The following RGS17 variants were observed in gnomAD, a reference collection of about 807,000 sequenced individuals.
The protein encoded by RGS17 is regulator of G protein signaling 17.
Under a neutral mutation model 25.5 loss-of-function variants are expected in RGS17, and 12 were observed. The observed-to-expected ratio is 0.47, with a 90% CI of 0.30 to 0.76. RGS17 has a LOEUF of 0.76. RGS17 is among the 30% of genes least tolerant of loss of function. RGS17 has a pLI of 0.07. For missense variants in RGS17, 196 were observed against 242.2 expected (o/e 0.81, Z 1.27); for synonymous variants, 71 against 76.9 (o/e 0.92, Z 0.40).
chr6:153,122,265 A>G (rs1168957085), intron 1 of RGS17, among the ~76,000 whole-genome samples: 1 of 152,166 alleles, frequency 6.6e-6, no homozygotes, highest in African/African-American at 2.4e-5. Context: ...ACATACATAT[A>G]TGCATACATT....
chr6:153,094,539 A>T (rs1453890763), intron 1 of RGS17, among the ~76,000 whole-genome samples: 1 of 152,212 alleles, frequency 6.6e-6, no homozygotes, highest in Non-Finnish European at 1.5e-5. Flanking sequence ...TTTGAAAATC[A>T]AATAAGAAAA....
intron 1 of RGS17, among the ~76,000 whole-genome samples, chr6:153,105,216 G>A (rs529202812): frequency 1.3e-5 from 2 of 152,206 alleles, no homozygotes; most frequent in Admixed American, 6.6e-5. Flanking sequence ...TCCCAAATAC[G>A]TCTACTTCAT....
intron 1 of RGS17, among the ~76,000 whole-genome samples, chr6:153,096,663 A>G (rs1366880812): frequency 2.0e-5 from 3 of 152,198 alleles, no homozygotes; most frequent in African/African-American, 7.2e-5. Context: ...TAAAATGTAA[A>G]ATGTATGTAA....
chr6:153,032,587 AAAG>A (rs1776166693), intron 2 of RGS17, among the ~76,000 whole-genome samples: 1 of 152,068 alleles, frequency 6.6e-6, no homozygotes, highest in Non-Finnish European at 1.5e-5. Context: ...AAAAAAAAAA[AAAG>A]TCTATTCATT....
intron 1 of RGS17, among the ~76,000 whole-genome samples, chr6:153,048,298 A>G (rs1776411182): frequency 6.6e-6 from 1 of 152,122 alleles, no homozygotes; most frequent in African/African-American, 2.4e-5. Flanking sequence ...TGATTCCTCT[A>G]TTTCATCTGG....
At chr6:153,126,935 T>C (rs1457233601) in intron 1 of RGS17, among the ~76,000 whole-genome samples, 1 of 152,200 alleles carries the variant, frequency 6.6e-6, no homozygotes, top group Admixed American at 6.5e-5. Context: ...TTTAGAAATA[T>C]GAAGTTCTAA....
Position 153,026,465 on chromosome 6 carries a change from G to A in RGS17, c.198C>T (p.Val66=). 6.2e-7 allele frequency: 1 copy of A among 1,611,540 alleles called. No homozygotes were observed. Among genetic ancestry groups the A allele is most frequent in the South Asian group, 1.1e-5 (1 of 90,846 alleles). The change falls in exon 3 of 5, where the codon GTC becomes GTT. Residue 66 remains valine, a synonymous_variant. Transcript: ENST00000206262. ...GTTCTCACACTCACCATTCCTCTAGGACCTGGATACTCTCCATTTTTGTAG... is the reference window on the plus strand; with the variant it reads ...GTTCTCACACTCACCATTCCTCTAGAACCTGGATACTCTCCATTTTTGTAG... The part of the protein sequence containing the change: ...THTTKMESIQ[V]LEECQNPTAE...
chr6:153,010,097 C>T lies in RGS17; in HGVS notation c.*1477G>A, dbSNP rs1435595317. On this transcript the variant is annotated 3_prime_UTR_variant, in exon 5 of 5. Coordinates refer to ENST00000206262, the MANE Select transcript of RGS17 (RefSeq NM_012419.5). ...TGTAATATCATCCTTAATATAAGGC[C>T]AGTGTTCTCAGTGGATATAAATCTT... is the stretch of plus-strand genomic sequence containing the variant. The T allele has an allele frequency of 2.6e-5, 4 of 151,242 alleles. No homozygotes were observed. In the East Asian group the frequency reaches 7.8e-4, roughly 29 times the overall value. The allele number at this position is 151,242 out of a possible 1,614,324, so 9.4% of individuals were successfully genotyped here.
intron 1 of RGS17, among the ~76,000 whole-genome samples, chr6:153,084,325 C>G (rs1445617832): frequency 6.6e-6 from 1 of 152,164 alleles, no homozygotes; most frequent in Non-Finnish European, 1.5e-5. Flanking sequence ...CATAAAATCC[C>G]TTAACAAATT....
intron 1 of RGS17, among the ~76,000 whole-genome samples, chr6:153,079,803 A>G (rs1776945258): frequency 6.6e-6 from 1 of 152,104 alleles, no homozygotes; most frequent in South Asian, 2.1e-4. Context: ...TGATGGTCTC[A>G]TTAAATGAAT....
At chr6:153,081,995 T>A (rs764703091) in intron 1 of RGS17, among the ~76,000 whole-genome samples, 14 of 152,152 alleles carry the variant, frequency 9.2e-5, no homozygotes, top group Non-Finnish European at 8.8e-5. Flanking sequence ...TCTTGAACGA[T>A]AGATTGGGGA....
At chr6:153,030,438 C>T (rs995178740) in intron 2 of RGS17, among the ~76,000 whole-genome samples, 1 of 152,146 alleles carries the variant, frequency 6.6e-6, no homozygotes, top group South Asian at 2.1e-4. Context: ...CAGGAAAGCA[C>T]ATATATTTAC....
chr6:153,078,284 T>C (rs1004977861), intron 1 of RGS17, among the ~76,000 whole-genome samples: 4 of 152,184 alleles, frequency 2.6e-5, no homozygotes, highest in Admixed American at 2.6e-4. Context: ...CTGTATACAT[T>C]TATAGAATCA....
intron 2 of RGS17, among the ~76,000 whole-genome samples, chr6:153,026,910 A>G (rs1429527187): frequency 6.6e-6 from 1 of 152,100 alleles, no homozygotes; most frequent in Non-Finnish European, 1.5e-5. Context: ...CTTTAAACAA[A>G]ATGTCATTTT....
At chr6:153,046,043 A>G (rs1776380471) in intron 1 of RGS17, among the ~76,000 whole-genome samples, 1 of 152,224 alleles carries the variant, frequency 6.6e-6, no homozygotes, top group Non-Finnish European at 1.5e-5. Flanking sequence ...ATTCACAGCA[A>G]CATGGATGGA....
chr6:153,105,836 G>A (rs1377606266), intron 1 of RGS17, among the ~76,000 whole-genome samples: 1 of 152,208 alleles, frequency 6.6e-6, no homozygotes, highest in East Asian at 1.9e-4. Flanking sequence ...GAGGAGCCAT[G>A]CAAAAATCTC....
At chr6:153,077,879 A>AT (rs149812866) in intron 1 of RGS17, among the ~76,000 whole-genome samples, 5,230 of 147,234 alleles carry the variant, frequency 0.036, 114 homozygotes, top group Non-Finnish European at 0.052. Flanking sequence ...TATCTTTTTT[A>AT]TTTTTTTTTT....
chr6:153,060,791 T>C (rs1776624405), intron 1 of RGS17, among the ~76,000 whole-genome samples: 1 of 152,070 alleles, frequency 6.6e-6, no homozygotes, highest in South Asian at 2.1e-4. Flanking sequence ...AATAAATCTA[T>C]CACAATAAAT....
At chr6:153,073,494 T>C (rs972210436) in intron 1 of RGS17, among the ~76,000 whole-genome samples, 1 of 152,122 alleles carries the variant, frequency 6.6e-6, no homozygotes, top group Non-Finnish European at 1.5e-5. Context: ...AAATGGGTTG[T>C]TTAAAAACGG....
Sources: gnomAD v4.1 joint callset for allele counts (sites outside exome capture counted in the v4.1 genomes callset) on GRCh38, gnomAD v4.1.1 for gene constraint, MANE v1.5 for transcripts, NCBI Gene and HGNC (gene_info 2026-07-23, HGNC 2026-07-21) for gene names.